CCDC141: variants seen among roughly 807,000 people sequenced by gnomAD.
The protein encoded by CCDC141 is coiled-coil domain-containing protein 141.
CCDC141 carries 168 observed loss-of-function variants against 181.0 expected under a neutral mutation model. The observed-to-expected ratio is 0.93, with a 90% CI of 0.82 to 1.05. The LOEUF (loss-of-function observed/expected upper bound fraction) is 1.05, where lower values mean the gene tolerates loss of function less well. CCDC141 is among the 50% of genes least tolerant of loss of function. The pLI is 0.00. For synonymous variants in CCDC141, 666 were observed against 642.3 expected (o/e 1.04, Z -0.56); for missense variants, 1,902 against 1,788.5 (o/e 1.06, Z -1.14).
intron 17 of CCDC141, among the ~76,000 whole-genome samples, chr2:178,861,373 C>A (rs780570573): frequency 6.6e-6 from 1 of 152,044 alleles, no homozygotes; most frequent in East Asian, 1.9e-4. Context: ...CAGTGGCTCA[C>A]GCCTGTAATC....
intron 2 of CCDC141, among the ~76,000 whole-genome samples, chr2:179,004,418 G>C (rs2042066772): frequency 6.6e-6 from 1 of 152,092 alleles, no homozygotes; most frequent in Non-Finnish European, 1.5e-5. Context: ...GCATACAAAT[G>C]ATCAATTTTT....
chr2:179,020,456 A>C (rs2042665148), intron 2 of CCDC141, among the ~76,000 whole-genome samples: 1 of 152,158 alleles, frequency 6.6e-6, no homozygotes, highest in African/African-American at 2.4e-5. Context: ...GTTGGCTGTG[A>C]TATGATAGCA....
intron 8 of CCDC141, 54 bp from the exon 9 acceptor site, chr2:178,888,722 A>T: frequency 1.9e-6 from 3 of 1,539,074 alleles, no homozygotes; most frequent in Non-Finnish European, 2.6e-6. Flanking sequence ...AGAACACAGA[A>T]TATTTGAAAA....
At chr2:178,962,251 G>C (rs1690438716) in intron 4 of CCDC141, among the ~76,000 whole-genome samples, 1 of 152,198 alleles carries the variant, frequency 6.6e-6, no homozygotes, top group Admixed American at 6.5e-5. Context: ...AAGGGAGAAA[G>C]TGTAGAAGGA....
intron 5 of CCDC141, among the ~76,000 whole-genome samples, chr2:178,950,421 C>T (rs893722687): frequency 5.3e-5 from 8 of 152,052 alleles, no homozygotes; most frequent in Admixed American, 1.3e-4. Context: ...ACTTAACTAG[C>T]GATGACCAGA....
At chr2:178,880,161 C>G (rs1304198575) in intron 11 of CCDC141, among the ~76,000 whole-genome samples, 1 of 152,146 alleles carries the variant, frequency 6.6e-6, no homozygotes, top group African/African-American at 2.4e-5. Flanking sequence ...TTAATTCATC[C>G]TTCTTTTCCA....
intron 2 of CCDC141, among the ~76,000 whole-genome samples, chr2:179,022,514 C>T (rs1244752787): frequency 2.6e-5 from 4 of 152,306 alleles, no homozygotes; most frequent in East Asian, 1.9e-4. Flanking sequence ...TTCCGTCTCA[C>T]GCCACTTATT....
At chr2:178,880,960 A>C (rs1038597435) in intron 11 of CCDC141, among the ~76,000 whole-genome samples, 3 of 152,182 alleles carry the variant, frequency 2.0e-5, no homozygotes, top group Admixed American at 6.5e-5. Context: ...GCTAACGGAA[A>C]GCATTGGTTT....
At chr2:178,867,954 T>C in intron 16 of CCDC141, 72 bp downstream of exon 16, 8 of 1,240,662 alleles carry the variant, frequency 6.4e-6, no homozygotes, top group Non-Finnish European at 9.0e-6. Context: ...GCAATCTGCC[T>C]GGTTTCTTTC....
At chr2:178,908,637 C>A (rs1688087500) in intron 7 of CCDC141, among the ~76,000 whole-genome samples, 1 of 152,170 alleles carries the variant, frequency 6.6e-6, no homozygotes, top group Non-Finnish European at 1.5e-5. Flanking sequence ...TTGAGAACCC[C>A]TGAGCTACAC....
intron 2 of CCDC141, among the ~76,000 whole-genome samples, chr2:179,013,700 G>A (rs2154384659): frequency 1.3e-5 from 2 of 152,152 alleles, no homozygotes. Context: ...GGGCGCAGTG[G>A]CTCATGCCTA....
At chr2:179,017,518 T>C (rs947182675) in intron 2 of CCDC141, among the ~76,000 whole-genome samples, 6 of 152,184 alleles carry the variant, frequency 3.9e-5, no homozygotes, top group African/African-American at 1.4e-4. Context: ...GTAATAAAGC[T>C]CTCTCTTCTT....
At chr2:178,942,746 C>T (rs961680654) in intron 6 of CCDC141, among the ~76,000 whole-genome samples, 1 of 152,092 alleles carries the variant, frequency 6.6e-6, no homozygotes, top group Admixed American at 6.6e-5. Context: ...GGGGAGGCTA[C>T]GAATGTGTAG....
At chr2:178,988,226 A>G (rs958181081) in intron 2 of CCDC141, among the ~76,000 whole-genome samples, 17 of 150,916 alleles carry the variant, frequency 1.1e-4, no homozygotes, top group Admixed American at 3.3e-4. Context: ...AGAACAAAAA[A>G]CCAAACACCG....
rs560626288 is a variant in CCDC141 at position 178,872,688 on chromosome 2, T to C, written c.1900-376A>G. Among the ~76,000 whole-genome samples the C allele has an allele frequency of 3.3e-4, 50 of 152,342 alleles. No homozygotes were observed. The Middle Eastern group carries it at 0.017, about 52-fold the overall frequency. ...TCCATCTTTTATTTTAACATGCTCATTGGAATACGTCAAAATATCAGTATC... is the reference window on the plus strand; with the variant it reads ...TCCATCTTTTATTTTAACATGCTCACTGGAATACGTCAAAATATCAGTATC... On this transcript the variant is annotated intron_variant, in intron 12 of 23. Coordinates refer to ENST00000443758, the MANE Select transcript of CCDC141 (RefSeq NM_173648.4).
At chr2:178,930,464 T>G (rs1026795810) in intron 6 of CCDC141, among the ~76,000 whole-genome samples, 1 of 152,044 alleles carries the variant, frequency 6.6e-6, no homozygotes, top group African/African-American at 2.4e-5. Context: ...GATCCTAATA[T>G]TAATGTGGAA....
intron 2 of CCDC141, among the ~76,000 whole-genome samples, chr2:178,990,127 G>A (rs1489778335): frequency 5.3e-5 from 6 of 112,280 alleles, no homozygotes; most frequent in African/African-American, 2.2e-4. Context: ...CAACAAGAGC[G>A]AAATTCCATC....
intron 8 of CCDC141, among the ~76,000 whole-genome samples, chr2:178,902,956 A>C (rs1237106784): frequency 6.7e-6 from 1 of 149,076 alleles, no homozygotes; most frequent in African/African-American, 2.4e-5. Context: ...GGACATGAAC[A>C]GACACTTCTC....
At chr2:178,936,619 TAGG>T (rs1689299529) in intron 6 of CCDC141, among the ~76,000 whole-genome samples, 1 of 152,114 alleles carries the variant, frequency 6.6e-6, no homozygotes, top group African/African-American at 2.4e-5. Flanking sequence ...TAGGTTTTTC[TAGG>T]TCTGTGAAGA....
Sources: allele counts gnomAD v4.1 joint callset (sites outside exome capture counted in the v4.1 genomes callset), GRCh38; gene constraint gnomAD v4.1.1; transcripts MANE v1.5; gene names NCBI Gene and HGNC (gene_info 2026-07-23, HGNC 2026-07-21).